Variants in NBAS observed in about 807,000 individuals in gnomAD.
The protein encoded by NBAS is NBAS subunit of NRZ tethering complex.
NBAS carries 219 observed loss-of-function variants against 302.5 expected under a neutral mutation model. The ratio of observed to expected loss-of-function variants is 0.72; its 90% confidence interval spans 0.65 to 0.81. The LOEUF is 0.81. Ranked by LOEUF, NBAS falls within the 30% of genes least tolerant of loss-of-function variation. NBAS has a pLI of 0.00. For synonymous variants in NBAS, 1,118 were observed against 1,021.6 expected, an observed-to-expected ratio of 1.09 and a Z score of -1.80; for missense variants, 2,932 against 2,841.6, an observed-to-expected ratio of 1.03 and a Z score of -0.72.
chr2:15,199,621 TTTGA>T (rs1461709269), intron 48 of NBAS, among the ~76,000 whole-genome samples: 1 of 152,164 alleles, frequency 6.6e-6, no homozygotes, highest in Non-Finnish European at 1.5e-5. Context: ...AATAGGTAAA[TTTGA>T]TTAATACATG....
chr2:14,908,878 G>A, the NBAS span, among the ~76,000 whole-genome samples: 1 of 152,078 alleles, frequency 6.6e-6, no homozygotes, highest in Non-Finnish European at 1.5e-5. Flanking sequence ...AGGGTCTTCA[G>A]AGTCCCTCTG....
At chr2:15,158,506 T>A in the NBAS span, among the ~76,000 whole-genome samples, 1 of 152,202 alleles carries the variant, frequency 6.6e-6, no homozygotes. Flanking sequence ...CTTTGCTGCA[T>A]AAGCCTCCCA....
At chr2:15,182,891 TG>T (rs1664895325) in intron 50 of NBAS, among the ~76,000 whole-genome samples, 1 of 152,282 alleles carries the variant, frequency 6.6e-6, no homozygotes, top group South Asian at 2.1e-4. Flanking sequence ...TGAGGAGTCG[TG>T]AATTTTTTTA....
chr2:14,904,073 A>T, the NBAS span, among the ~76,000 whole-genome samples: 1 of 152,254 alleles, frequency 6.6e-6, no homozygotes. Flanking sequence ...TTCACATTTT[A>T]TAATTATCTG....
chr2:15,490,636 T>C (rs1680815899), intron 11 of NBAS, among the ~76,000 whole-genome samples: 1 of 152,172 alleles, frequency 6.6e-6, no homozygotes, highest in South Asian at 2.1e-4. Context: ...TGCCCATCTT[T>C]CAGATTTCAC....
chr2:15,271,545 G>A (rs1282034802), intron 44 of NBAS, among the ~76,000 whole-genome samples: 1 of 152,150 alleles, frequency 6.6e-6, no homozygotes, highest in African/African-American at 2.4e-5. Flanking sequence ...ACTGGGCAAG[G>A]TACCAGAAGG....
At chr2:15,052,466 G>T in the NBAS span, among the ~76,000 whole-genome samples, 1 of 152,170 alleles carries the variant, frequency 6.6e-6, no homozygotes, top group East Asian at 1.9e-4. Context: ...CTGGCACGAT[G>T]ACCTGGTGGC....
At chr2:14,796,919 CAAAAAAAAA>C in the NBAS span, among the ~76,000 whole-genome samples, 2 of 86,508 alleles carry the variant, frequency 2.3e-5, no homozygotes, top group African/African-American at 8.0e-5. Context: ...CTAAAAAATA[CAAAAAAAAA>C]AAAAAAAAAA....
the NBAS span, among the ~76,000 whole-genome samples, chr2:15,128,852 G>T: frequency 2.0e-5 from 3 of 152,208 alleles, no homozygotes; most frequent in Non-Finnish European, 4.4e-5. Context: ...TGGGTAACTG[G>T]CCGGGAGACA....
chr2:14,818,665 G>A, the NBAS span, among the ~76,000 whole-genome samples: 2 of 152,254 alleles, frequency 1.3e-5, no homozygotes, highest in South Asian at 2.1e-4. Flanking sequence ...AGTCCTTACC[G>A]TGTCAAGGTA....
At chr2:15,346,118 C>T (rs372542550) in intron 35 of NBAS, among the ~76,000 whole-genome samples, 133 of 152,192 alleles carry the variant, frequency 8.7e-4, no homozygotes, top group African/African-American at 2.9e-3. Context: ...ATGACAAAAA[C>T]GCCAAAGCAA....
chr2:15,493,152 G>C (rs563907019), intron 11 of NBAS, among the ~76,000 whole-genome samples: 2 of 152,262 alleles, frequency 1.3e-5, no homozygotes, highest in East Asian at 3.9e-4. Flanking sequence ...ATTAAGACCT[G>C]CTTTGTTTCC....
chr2:15,231,080 G>C (rs754557952), intron 47 of NBAS, among the ~76,000 whole-genome samples: 6 of 152,298 alleles, frequency 3.9e-5, no homozygotes, highest in East Asian at 1.9e-4. Context: ...CGTCTCCCGC[G>C]CAAGACTGTG....
the NBAS span, among the ~76,000 whole-genome samples, chr2:15,075,477 T>C: frequency 6.6e-6 from 1 of 152,224 alleles, no homozygotes; most frequent in Non-Finnish European, 1.5e-5. Flanking sequence ...TCATGCTGGC[T>C]GTGTGCCCCC....
intron 31 of NBAS, among the ~76,000 whole-genome samples, chr2:15,373,525 A>T (rs1674584710): frequency 6.6e-6 from 1 of 152,142 alleles, no homozygotes; most frequent in Admixed American, 6.5e-5. Context: ...GAGACAGGGT[A>T]TCACTATGTT....
the NBAS span, among the ~76,000 whole-genome samples, chr2:14,968,160 G>T: frequency 6.6e-6 from 1 of 152,294 alleles, no homozygotes; most frequent in African/African-American, 2.4e-5. Flanking sequence ...TGCATGTGTG[G>T]TGTTATCAGT....
chr2:14,922,492 C>T, the NBAS span, among the ~76,000 whole-genome samples: 95 of 152,290 alleles, frequency 6.2e-4, 1 homozygote, highest in African/African-American at 2.2e-3. Context: ...TGAGACCTCT[C>T]TCCTTGGTTA....
At chr2:14,970,889 C>G in the NBAS span, among the ~76,000 whole-genome samples, 48 of 152,256 alleles carry the variant, frequency 3.2e-4, 2 homozygotes, top group African/African-American at 1.1e-3. Flanking sequence ...ATTTGTTGTT[C>G]CCTGCTTGGT....
At chr2:15,101,157 A>G in the NBAS span, among the ~76,000 whole-genome samples, 1 of 152,218 alleles carries the variant, frequency 6.6e-6, no homozygotes, top group Non-Finnish European at 1.5e-5. Context: ...ACAGCCATTC[A>G]AACCAAACAT....
Sources: allele counts gnomAD v4.1 joint callset (sites outside exome capture counted in the v4.1 genomes callset), GRCh38; gene constraint gnomAD v4.1.1; transcripts MANE v1.5; gene names NCBI Gene and HGNC (gene_info 2026-07-23, HGNC 2026-07-21).